Variants in CSMD3 observed in about 807,000 individuals in gnomAD.
CSMD3 encodes the protein CUB and Sushi multiple domains 3, also known as CUB and sushi domain-containing protein 3.
CSMD3 carries 177 observed loss-of-function variants against 435.2 expected under a neutral mutation model. The ratio of observed to expected loss-of-function variants is 0.41; its 90% confidence interval spans 0.36 to 0.46. The LOEUF (loss-of-function observed/expected upper bound fraction) is 0.46, where lower values mean the gene tolerates loss of function less well. Among genes scored for constraint, CSMD3 ranks in the 20% least tolerant of loss-of-function variants. The probability of loss-of-function intolerance (pLI) is 0.34; values close to 1 mark genes in which losing one functional copy is unlikely to be tolerated. For missense variants in CSMD3, 4,265 were observed against 4,504.6 expected, an observed-to-expected ratio of 0.95 and a Z score of 1.52; for synonymous variants, 1,656 against 1,520.5, an observed-to-expected ratio of 1.09 and a Z score of -2.07.
chr8:112,435,350 T>C (rs1008110698), intron 32 of CSMD3, among the ~76,000 whole-genome samples: 1 of 152,050 alleles, frequency 6.6e-6, no homozygotes, highest in Non-Finnish European at 1.5e-5. Context: ...GTGGCAGGTA[T>C]TAACATTCTT....
In CSMD3 at chr8:112,650,296, G is replaced by T. The variant is rs771285913; in HGVS notation, c.3058C>A (p.Arg1020Ser). 1 of 1,613,700 alleles carries T rather than the reference G, an allele frequency of 6.2e-7. No homozygotes were observed. Among genetic ancestry groups the T allele is most frequent in the South Asian group, 1.1e-5 (1 of 91,066 alleles). Reference protein sequence around the residue: ...CLDPGIPVHGRRYGHDFSIGS... With the variant: ...CLDPGIPVHGSRYGHDFSIGS... ...ATGGAGAAATCATGACCATAGCGAC[G>T]GCCATGTACAGGTATGCCAGGGTCC... The change falls in exon 19 of 71, where the codon CGT becomes AGT. Residue 1020 changes from arginine to serine, a missense_variant. Arg to Ser is a moderately radical substitution (Grantham distance 110). Around this residue, in one of 3 missense-constraint regions of CSMD3, gnomAD observed 3,255 missense variants for 3,380.2 expected, o/e 0.96. Transcript: ENST00000297405.
chr8:112,738,346 T>C (rs568472711), intron 13 of CSMD3, among the ~76,000 whole-genome samples: 1 of 151,866 alleles, frequency 6.6e-6, no homozygotes, highest in African/African-American at 2.4e-5. Flanking sequence ...CCTTGGTATG[T>C]AAGTGTTCAA....
intron 13 of CSMD3, among the ~76,000 whole-genome samples, chr8:112,790,676 G>A (rs1449063208): frequency 1.3e-5 from 2 of 151,954 alleles, no homozygotes; most frequent in Non-Finnish European, 2.9e-5. Flanking sequence ...AGAAAAAAAA[G>A]AACAAACCTT....
intron 32 of CSMD3, among the ~76,000 whole-genome samples, chr8:112,412,483 G>C (rs551098772): frequency 6.6e-6 from 1 of 152,184 alleles, no homozygotes; most frequent in African/African-American, 2.4e-5. Flanking sequence ...AGATACAAGA[G>C]TAAGCTGTAT....
Position 112,738,782 on chromosome 8 carries a change from T to G in CSMD3, c.1973-48732A>C, listed in dbSNP as rs139680386. 5.3e-3 allele frequency among the ~76,000 whole-genome samples: 811 copies of G among 151,846 alleles called. 4 individuals are homozygous for G. The highest frequency in any genetic ancestry group is 0.018 in the African/African-American group (767 of 41,536). On this transcript the variant is annotated intron_variant, in intron 13 of 70. Transcript: ENST00000297405. The stretch of plus-strand genomic sequence containing the variant: ...TTGCAATTAAAACTTAAATTCTGTC[T>G]AAAATAAAAAGCAATAACTTTATTT...
chr8:112,579,919 T>C (rs1669730080), intron 23 of CSMD3, among the ~76,000 whole-genome samples: 2 of 152,078 alleles, frequency 1.3e-5, no homozygotes, highest in South Asian at 4.1e-4. Flanking sequence ...ATAGTCTACA[T>C]TTTGCATAAG....
chr8:113,399,028 C>A (rs2094496616), intron 1 of CSMD3, among the ~76,000 whole-genome samples: 1 of 140,596 alleles, frequency 7.1e-6, no homozygotes, highest in African/African-American at 2.7e-5. Context: ...AGTTTTGCAT[C>A]ATTAGTAATT....
At chr8:113,363,027 T>C in intron 1 of CSMD3, among the ~76,000 whole-genome samples, 1 of 152,206 alleles carries the variant, frequency 6.6e-6, no homozygotes, top group Non-Finnish European at 1.5e-5. Flanking sequence ...ACCATTTTCC[T>C]CACAGATAAT....
At chr8:112,765,460 G>A (rs1381520637) in intron 13 of CSMD3, among the ~76,000 whole-genome samples, 2 of 151,610 alleles carry the variant, frequency 1.3e-5, no homozygotes, top group Non-Finnish European at 1.5e-5. Flanking sequence ...CTTTTATTAA[G>A]TACCTGATTC....
chr8:112,517,745 T>A (rs565049627), intron 27 of CSMD3, among the ~76,000 whole-genome samples: 12 of 152,282 alleles, frequency 7.9e-5, no homozygotes, highest in East Asian at 3.9e-4. Flanking sequence ...CTCAATTTTT[T>A]AAAAAATATA....
At chr8:113,400,427 A>C (rs534075235) in intron 1 of CSMD3, among the ~76,000 whole-genome samples, 1 of 152,046 alleles carries the variant, frequency 6.6e-6, no homozygotes, top group East Asian at 1.9e-4. Context: ...TTTTTCCCCC[A>C]TTGTTTTTTG....
chr8:112,307,449 T>C (rs891155666), intron 50 of CSMD3, among the ~76,000 whole-genome samples: 1 of 152,108 alleles, frequency 6.6e-6, no homozygotes, highest in African/African-American at 2.4e-5. Flanking sequence ...GTCCGGCTAA[T>C]ATTTGTATTT....
chr8:112,666,438 T>A (rs2131708530), intron 16 of CSMD3, 23 bp from the exon 17 acceptor site: 1 of 1,606,100 alleles, frequency 6.2e-7, no homozygotes, highest in Non-Finnish European at 8.5e-7. Flanking sequence ...ATCAGACAAG[T>A]AAGAATAAAA....
rs559092448 is a variant in CSMD3 at position 112,296,559 on chromosome 8, A to T, written c.8441-553T>A. Reference sequence around the variant, plus strand: ...AGCAAGACTCCACCTCAAAAAAAAAATAAATAAATAAATAAAAGAAAGAAA... The same window carrying T: ...AGCAAGACTCCACCTCAAAAAAAAATTAAATAAATAAATAAAAGAAAGAAA... On this transcript the variant is annotated intron_variant, in intron 53 of 70. Coordinates refer to ENST00000297405, the MANE Select transcript of CSMD3 (RefSeq NM_198123.2). Among the ~76,000 whole-genome samples the T allele has an allele frequency of 1.5e-4, 23 of 149,978 alleles. No individual in the cohort carries two copies. The East Asian group carries it at 4.4e-3, about 29-fold the overall frequency.
chr8:112,972,026 GTTTA>G (rs2084676331), intron 7 of CSMD3, among the ~76,000 whole-genome samples: 1 of 151,790 alleles, frequency 6.6e-6, no homozygotes, highest in Admixed American at 6.6e-5. Flanking sequence ...GTTATAGTGA[GTTTA>G]TTTAATTTAT....
intron 32 of CSMD3, among the ~76,000 whole-genome samples, chr8:112,418,868 A>G (rs1023268126): frequency 6.6e-6 from 1 of 152,202 alleles, no homozygotes; most frequent in East Asian, 1.9e-4. Flanking sequence ...TTCACACCCA[A>G]TGTCATGTGA....
At chr8:112,720,435 C>T (rs2076832583) in intron 13 of CSMD3, among the ~76,000 whole-genome samples, 2 of 152,002 alleles carry the variant, frequency 1.3e-5, no homozygotes, top group Non-Finnish European at 2.9e-5. Flanking sequence ...CCAAATTATG[C>T]CTCAAAAGAT....
At chr8:113,403,274 C>T (rs905826933) in intron 1 of CSMD3, among the ~76,000 whole-genome samples, 1 of 151,324 alleles carries the variant, frequency 6.6e-6, no homozygotes, top group African/African-American at 2.4e-5. Context: ...TCTGAAACTC[C>T]TCTTGAAAAG....
intron 10 of CSMD3, among the ~76,000 whole-genome samples, chr8:112,882,217 CA>C (rs1486017989): frequency 6.6e-6 from 1 of 151,832 alleles, no homozygotes; most frequent in Non-Finnish European, 1.5e-5. Flanking sequence ...GAGTCTCAAG[CA>C]AAAATCTGCC....
Sources: gnomAD v4.1 joint callset for allele counts (sites outside exome capture counted in the v4.1 genomes callset) on GRCh38, gnomAD v4.1.1 for gene constraint, gnomAD v4.1.1 regional missense constraint, MANE v1.5 for transcripts, NCBI Gene and HGNC (gene_info 2026-07-23, HGNC 2026-07-21) for gene names.